The following TLK1 variants were observed in gnomAD, a reference collection of about 807,000 sequenced individuals.
TLK1 encodes serine/threonine-protein kinase tousled-like 1.
A neutral mutation model predicts 105.3 loss-of-function variants in TLK1; 24 were observed. The observed-to-expected ratio is 0.23, with a 90% CI of 0.17 to 0.32. TLK1 has a LOEUF of 0.32. Among genes scored for constraint, TLK1 ranks in the 10% least tolerant of loss-of-function variants. The pLI, the probability that TLK1 is intolerant of heterozygous loss-of-function variation, is 1.00. For missense variants in TLK1, 558 were observed against 910.5 expected, an observed-to-expected ratio of 0.61 and a Z score of 4.98; for synonymous variants, 321 against 310.4, an observed-to-expected ratio of 1.03 and a Z score of -0.36.
intron 1 of TLK1, among the ~76,000 whole-genome samples, chr2:171,184,356 A>G (rs547291282): frequency 3.3e-5 from 5 of 152,272 alleles, no homozygotes; most frequent in Middle Eastern, 3.4e-3. Flanking sequence ...TAATTAGAAA[A>G]CTAGTGCCAG....
intron 1 of TLK1, among the ~76,000 whole-genome samples, chr2:171,204,889 C>T (rs531089548): frequency 2.7e-5 from 4 of 150,642 alleles, no homozygotes; most frequent in African/African-American, 9.8e-5. Flanking sequence ...ACCCGGGATT[C>T]GGAGGTTGCG....
intron 11 of TLK1, among the ~76,000 whole-genome samples, chr2:171,036,604 T>A (rs1686352360): frequency 6.6e-6 from 1 of 152,188 alleles, no homozygotes. Context: ...CTGCTTTTTG[T>A]TTTGAACAGA....
At chr2:171,027,145 TAATAGTAGCTGCTACCAG>T (rs1685812317) in intron 12 of TLK1, among the ~76,000 whole-genome samples, 1 of 152,144 alleles carries the variant, frequency 6.6e-6, no homozygotes, top group Non-Finnish European at 1.5e-5. Flanking sequence ...GTATGCAGTG[TAATAGTAGCTGCTACCAG>T]AATGGGTTTC....
chr2:171,050,329 T>G (rs1481807352), intron 8 of TLK1, among the ~76,000 whole-genome samples, 155 bp from the exon 9 acceptor site: 1 of 150,986 alleles, frequency 6.6e-6, no homozygotes, highest in Non-Finnish European at 1.5e-5. Flanking sequence ...TACTTAACCA[T>G]GAGATAATAC....
In TLK1 at chr2:171,056,499, G is replaced by A. The variant is rs1412439286; in HGVS notation, c.521C>T (p.Ser174Leu). ...TGAGGAAGGAGTGGAATGTGAATGT[G>A]AATTTTGAGGAGAACGGATTGCAGG... ...IPPAIRSPQNSHSHSTPSSSV... is the reference protein window; with the variant it reads ...IPPAIRSPQNLHSHSTPSSSV... The change falls in exon 6 of 21, where the codon TCA becomes TTA. Residue 174 changes from serine (S) to leucine (L), a missense_variant. Ser to Leu is a moderately radical substitution (Grantham distance 145). Coordinates refer to ENST00000431350, the MANE Select transcript of TLK1 (RefSeq NM_012290.5). 1 of 1,611,946 alleles carries A rather than the reference G, an allele frequency of 6.2e-7. No individual in the cohort carries two copies. The highest frequency in any genetic ancestry group is 2.2e-5 in the East Asian group (1 of 44,784).
chr2:171,055,223 A>C, intron 6 of TLK1, 51 bp from the exon 7 acceptor site: 1 of 964,618 alleles, frequency 1.0e-6, no homozygotes, highest in South Asian at 2.0e-5. Context: ...AAAAAAAAAC[A>C]CAAAACAAAA....
chr2:171,182,134 C>A (rs1692938803), intron 1 of TLK1, among the ~76,000 whole-genome samples: 1 of 152,164 alleles, frequency 6.6e-6, no homozygotes. Context: ...GGAAATCACA[C>A]TGTCTGTGCT....
chr2:171,061,252 G>A, intron 3 of TLK1, 96 bp from the exon 4 acceptor site: 2 of 1,045,630 alleles, frequency 1.9e-6, no homozygotes, highest in Non-Finnish European at 2.9e-6. Context: ...CAAAAAAATA[G>A]CATTCAGTAG....
intron 1 of TLK1, chr2:171,159,823 A>G (rs1205610708): frequency 1.3e-5 from 2 of 154,304 alleles, no homozygotes; most frequent in African/African-American, 4.8e-5. Flanking sequence ...CAAAGCTCGC[A>G]AAGTGGGGAC....
At chr2:171,076,990 AT>A (rs2105469930) in intron 3 of TLK1, among the ~76,000 whole-genome samples, 1 of 152,238 alleles carries the variant, frequency 6.6e-6, no homozygotes, top group South Asian at 2.1e-4. Flanking sequence ...TCATAAAATA[AT>A]GTGGGCTGTT....
Position 171,056,565 on chromosome 2 carries a change from TACTGAGTAAAAGAAA to T in TLK1, c.454-14_454del. ...TGGACTTGAGCCATTTCCACCCTGG[TACTGAGTAAAAGAAA>T]AAGGAAGCATTATTATTTACTAAAG... On this transcript the variant is annotated splice_acceptor_variant and splice_polypyrimidine_tract_variant and coding_sequence_variant and intron_variant, in exon 6 of 21. Coordinates refer to ENST00000431350, the MANE Select transcript of TLK1 (RefSeq NM_012290.5). LOFTEE classifies it high-confidence loss of function. 6.2e-7 allele frequency: 1 copy of T among 1,610,902 alleles called. No homozygotes were observed. The highest frequency in any genetic ancestry group is 8.5e-7 in the Non-Finnish European group (1 of 1,177,756).
chr2:171,067,339 T>A (rs1688048141), intron 3 of TLK1, among the ~76,000 whole-genome samples: 1 of 151,840 alleles, frequency 6.6e-6, no homozygotes, highest in Non-Finnish European at 1.5e-5. Flanking sequence ...TTTTTTGTAT[T>A]TTTAGTAGAG....
chr2:171,020,895 T>C (rs1470701879), intron 12 of TLK1, among the ~76,000 whole-genome samples: 1 of 152,172 alleles, frequency 6.6e-6, no homozygotes, highest in Non-Finnish European at 1.5e-5. Flanking sequence ...TCTTTCCTAA[T>C]TATATAAATG....
At chr2:171,199,605 C>T (rs1352838715) in intron 1 of TLK1, among the ~76,000 whole-genome samples, 3 of 151,984 alleles carry the variant, frequency 2.0e-5, no homozygotes, top group East Asian at 3.9e-4. Context: ...GTCTGAAGTT[C>T]GAGGGCTCCC....
At position 171,022,052 on chromosome 2, in the gene TLK1, G is replaced by A. The variant is rs150894423; in HGVS notation, c.1236+6287C>T. ...TGGGAAGCGGAGGCTGCAGTGAGCCGGGATCATGCCACCACACTCCAGCCT... is the reference window on the plus strand; with the variant it reads ...TGGGAAGCGGAGGCTGCAGTGAGCCAGGATCATGCCACCACACTCCAGCCT... On this transcript the variant is annotated intron_variant, in intron 12 of 20. Coordinates refer to ENST00000431350, the MANE Select transcript of TLK1 (RefSeq NM_012290.5). Among the ~76,000 whole-genome samples, 83 of 148,890 alleles carry A rather than the reference G, an allele frequency of 5.6e-4. 1 individual carries two copies. In the South Asian group the frequency reaches 9.5e-3, roughly 17 times the overall value.
At chr2:171,040,420 G>T (rs1324128243) in intron 11 of TLK1, among the ~76,000 whole-genome samples, 1 of 152,124 alleles carries the variant, frequency 6.6e-6, no homozygotes, top group Non-Finnish European at 1.5e-5. Context: ...TCCGTGTGGG[G>T]ACAGGGGTTA....
At chr2:171,042,273 G>A (rs182652709) in intron 11 of TLK1, among the ~76,000 whole-genome samples, 21 of 152,116 alleles carry the variant, frequency 1.4e-4, no homozygotes, top group East Asian at 5.8e-4. Flanking sequence ...CTTTGAGGCC[G>A]GGTCTCACTG....
chr2:171,181,666 C>T (rs572327504), intron 1 of TLK1, among the ~76,000 whole-genome samples: 35 of 152,236 alleles, frequency 2.3e-4, no homozygotes, highest in African/African-American at 7.9e-4. Flanking sequence ...AGGCACCTGG[C>T]TCTTTTTAAT....
At chr2:171,157,801 G>A (rs765846599) in intron 1 of TLK1, among the ~76,000 whole-genome samples, 3 of 152,120 alleles carry the variant, frequency 2.0e-5, no homozygotes, top group Non-Finnish European at 4.4e-5. Context: ...TCATCACATA[G>A]AATATTTATG....
Sources: gnomAD v4.1 joint callset for allele counts (sites outside exome capture counted in the v4.1 genomes callset) on GRCh38, gnomAD v4.1.1 for gene constraint, MANE v1.5 for transcripts, NCBI Gene and HGNC (gene_info 2026-07-23, HGNC 2026-07-21) for gene names.